The following XRCC4 variants were observed in gnomAD, a reference collection of about 807,000 sequenced individuals.
XRCC4 encodes DNA repair protein XRCC4.
In XRCC4, 28 loss-of-function variants were observed where a neutral mutation model predicts 39.1. The observed-to-expected ratio is 0.72, with a 90% CI of 0.53 to 0.98. The LOEUF (loss-of-function observed/expected upper bound fraction) is 0.98, where lower values mean the gene tolerates loss of function less well. Among genes scored for constraint, XRCC4 ranks in the 50% least tolerant of loss-of-function variants. The pLI, the probability that XRCC4 is intolerant of heterozygous loss-of-function variation, is 0.00. For synonymous variants in XRCC4, 123 were observed against 126.4 expected, an observed-to-expected ratio of 0.97 and a Z score of 0.18; for missense variants, 350 against 376.4, an observed-to-expected ratio of 0.93 and a Z score of 0.58.
At chr5:83,159,291 A>G (rs1339061015) in intron 3 of XRCC4, among the ~76,000 whole-genome samples, 4 of 152,096 alleles carry the variant, frequency 2.6e-5, no homozygotes, top group Non-Finnish European at 5.9e-5. Context: ...TAGGGAATTT[A>G]TAATTTATTA....
chr5:83,278,721 C>T (rs1257562444), intron 7 of XRCC4, among the ~76,000 whole-genome samples: 1 of 152,002 alleles, frequency 6.6e-6, no homozygotes, highest in African/African-American at 2.4e-5. Context: ...CGCAGTGGCT[C>T]ATACCTGTAA....
At chr5:83,101,635 A>G (rs985007128) in intron 1 of XRCC4, among the ~76,000 whole-genome samples, 63 of 152,126 alleles carry the variant, frequency 4.1e-4, no homozygotes, top group Non-Finnish European at 1.5e-4. Flanking sequence ...GTGTTCCCAC[A>G]TAGTGTTGAT....
intron 7 of XRCC4, among the ~76,000 whole-genome samples, chr5:83,263,508 T>C (rs1462978867): frequency 6.6e-6 from 1 of 150,780 alleles, no homozygotes; most frequent in African/African-American, 2.4e-5. Flanking sequence ...CAGCACCTGT[T>C]GTTTCCTGAC....
intron 3 of XRCC4, among the ~76,000 whole-genome samples, chr5:83,116,070 G>C (rs1009822997): frequency 6.6e-6 from 1 of 152,154 alleles, no homozygotes; most frequent in African/African-American, 2.4e-5. Flanking sequence ...ACAATGTCTT[G>C]TAGATTCATC....
At chr5:83,147,835 G>C (rs1395850906) in intron 3 of XRCC4, among the ~76,000 whole-genome samples, 6 of 151,412 alleles carry the variant, frequency 4.0e-5, no homozygotes, top group African/African-American at 1.5e-4. Context: ...CTGTTGCCCA[G>C]GCTGGGGTGC....
At chr5:83,313,681 C>T (rs778775340) in intron 7 of XRCC4, among the ~76,000 whole-genome samples, 9 of 152,132 alleles carry the variant, frequency 5.9e-5, no homozygotes, top group African/African-American at 1.4e-4. Context: ...GCTTTTTGCA[C>T]GAGCATTCCT....
intron 3 of XRCC4, among the ~76,000 whole-genome samples, chr5:83,137,562 T>C (rs1216374171): frequency 6.6e-6 from 1 of 152,214 alleles, no homozygotes; most frequent in African/African-American, 2.4e-5. Flanking sequence ...GGCATGTTAT[T>C]GTCCACTGCC....
chr5:83,224,889 T>C lies in XRCC4; in HGVS notation c.745+19968T>C, dbSNP rs554791239. On this transcript the variant is annotated intron_variant, in intron 6 of 7. Transcript: ENST00000396027. ...GTTCTTGCATTACTATTGCCACTTC[T>C]ATGAGCATCTTTCAACCATTATTTT... Among the ~76,000 whole-genome samples the C allele has an allele frequency of 3.3e-5, 5 of 152,334 alleles. No individual in the cohort carries two copies. The East Asian group carries it at 9.6e-4, about 29-fold the overall frequency.
Position 83,258,578 on chromosome 5 carries a change from A to T in XRCC4, c.794A>T (p.Asp265Val). 1 of 1,610,118 alleles carries T rather than the reference A, an allele frequency of 6.2e-7. No individual in the cohort carries two copies. The highest frequency in any genetic ancestry group is 1.7e-4 in the Middle Eastern group (1 of 6,050). The stretch of plus-strand genomic sequence containing the variant: ...ATTATTTCAAGTCTTGATGTCACTG[A>T]TATTGCACCAAGTAGAAAAAGGAGA... ...DSIISSLDVTDIAPSRKRRQR... is the reference protein window; with the variant it reads ...DSIISSLDVTVIAPSRKRRQR... The change falls in exon 7 of 8, where the codon GAT becomes GTT. Residue 265 changes from aspartate to valine, a missense_variant. Asp to Val is a radical substitution (Grantham distance 152, BLOSUM62 -3). Transcript: ENST00000396027.
chr5:83,174,013 T>G (rs1427112535), intron 3 of XRCC4, among the ~76,000 whole-genome samples: 4 of 152,196 alleles, frequency 2.6e-5, no homozygotes, highest in African/African-American at 9.6e-5. Context: ...TCTAAAAACT[T>G]ACCATGAACT....
chr5:83,283,832 C>A (rs1419282763), intron 7 of XRCC4, among the ~76,000 whole-genome samples: 1 of 151,764 alleles, frequency 6.6e-6, no homozygotes, highest in Non-Finnish European at 1.5e-5. Flanking sequence ...TGATCTAACC[C>A]CCAAAGTAAT....
chr5:83,160,804 A>C (rs1019473187), intron 3 of XRCC4, among the ~76,000 whole-genome samples: 40 of 151,882 alleles, frequency 2.6e-4, no homozygotes, highest in Admixed American at 2.0e-4. Flanking sequence ...GCAGACCTCT[A>C]CCCACCCCGC....
intron 3 of XRCC4, among the ~76,000 whole-genome samples, chr5:83,145,365 G>A (rs532242295): frequency 6.6e-6 from 1 of 152,166 alleles, no homozygotes; most frequent in Non-Finnish European, 1.5e-5. Flanking sequence ...TGAACATTGT[G>A]AATGATGTAG....
chr5:83,165,920 C>CT (rs1749449610), intron 3 of XRCC4, among the ~76,000 whole-genome samples: 1 of 133,558 alleles, frequency 7.5e-6, no homozygotes. Context: ...GAGTCTTACT[C>CT]TGTTTCCCAG....
intron 3 of XRCC4, among the ~76,000 whole-genome samples, chr5:83,165,041 G>A (rs1464729050): frequency 6.6e-6 from 1 of 151,692 alleles, no homozygotes; most frequent in Non-Finnish European, 1.5e-5. Flanking sequence ...TATCTGTTTA[G>A]GTAGGAATTT....
At chr5:83,135,517 G>GT (rs1031302437) in intron 3 of XRCC4, among the ~76,000 whole-genome samples, 1 of 151,236 alleles carries the variant, frequency 6.6e-6, no homozygotes, top group Admixed American at 6.6e-5. Context: ...TTCATTTATA[G>GT]TTTTTCTATT....
intron 3 of XRCC4, among the ~76,000 whole-genome samples, chr5:83,177,125 G>A (rs569070682): frequency 2.0e-4 from 30 of 152,172 alleles, no homozygotes; most frequent in African/African-American, 7.0e-4. Context: ...TTCTGTAAAA[G>A]GACTTAAATG....
intron 3 of XRCC4, among the ~76,000 whole-genome samples, chr5:83,137,123 A>G (rs531706000): frequency 5.9e-5 from 9 of 152,332 alleles, no homozygotes; most frequent in African/African-American, 9.6e-5. Flanking sequence ...CAAGTAACCA[A>G]TTGAAAAAAT....
intron 7 of XRCC4, among the ~76,000 whole-genome samples, chr5:83,327,949 A>C (rs1384462879): frequency 6.6e-6 from 1 of 152,148 alleles, no homozygotes; most frequent in African/African-American, 2.4e-5. Flanking sequence ...AAAATATATA[A>C]GTCTTGAAAA....
Sources: gnomAD v4.1 joint callset for allele counts (sites outside exome capture counted in the v4.1 genomes callset) on GRCh38, gnomAD v4.1.1 for gene constraint, MANE v1.5 for transcripts, NCBI Gene and HGNC (gene_info 2026-07-23, HGNC 2026-07-21) for gene names.